The following ASB3 variants were observed in gnomAD, a reference collection of about 807,000 sequenced individuals.
ASB3 encodes ankyrin repeat and SOCS box protein 3.
ASB3 carries 41 observed loss-of-function variants against 54.5 expected under a neutral mutation model. That is an observed-to-expected ratio of 0.75 (90% CI 0.59 to 0.98). The LOEUF (loss-of-function observed/expected upper bound fraction) is 0.98, where lower values mean the gene tolerates loss of function less well. Ranked by LOEUF, ASB3 falls within the 50% of genes least tolerant of loss-of-function variation. The pLI, the probability that ASB3 is intolerant of heterozygous loss-of-function variation, is 0.00. For missense variants in ASB3, 733 were observed against 620.0 expected (o/e 1.18, Z -1.94); for synonymous variants, 266 against 221.2 (o/e 1.20, Z -1.80).
At chr2:53,766,349 CGA>C (rs1422885019) in intron 1 of ASB3, among the ~76,000 whole-genome samples, 1 of 152,176 alleles carries the variant, frequency 6.6e-6, no homozygotes, top group African/African-American at 2.4e-5. Context: ...GTGACTCTCT[CGA>C]AGACACAATT....
At chr2:53,748,075 G>C (rs1672323634) in intron 3 of ASB3, among the ~76,000 whole-genome samples, 1 of 152,142 alleles carries the variant, frequency 6.6e-6, no homozygotes, top group African/African-American at 2.4e-5. Flanking sequence ...ACCTGTAAAA[G>C]TGGGAATAAT....
intron 9 of ASB3, among the ~76,000 whole-genome samples, chr2:53,682,897 A>G (rs530663028): frequency 6.6e-6 from 1 of 152,346 alleles, no homozygotes; most frequent in East Asian, 1.9e-4. Flanking sequence ...GGTTTTTCCA[A>G]ATATAAAATC....
At chr2:53,755,499 G>C (rs578204186) in intron 2 of ASB3, among the ~76,000 whole-genome samples, 6 of 152,330 alleles carry the variant, frequency 3.9e-5, no homozygotes, top group Admixed American at 3.9e-4. Context: ...AGCTGAGCCA[G>C]AATTTGATGA....
At chr2:53,751,017 A>C in intron 2 of ASB3, 76 bp from the exon 3 acceptor site, 1 of 1,396,622 alleles carries the variant, frequency 7.2e-7, no homozygotes, top group Non-Finnish European at 9.4e-7. Flanking sequence ...AGATTCCAAG[A>C]GGAATTTAAT....
chr2:53,767,947 C>T (rs1010559927), intron 1 of ASB3: 1 of 1,614,168 alleles, frequency 6.2e-7, no homozygotes, highest in East Asian at 2.2e-5. Context: ...TCAGGACAAG[C>T]TGGTCGGATA....
At chr2:53,728,925 T>C (rs1258994569) in intron 4 of ASB3, 78 bp from the exon 5 acceptor site, 1 of 1,454,940 alleles carries the variant, frequency 6.9e-7, no homozygotes, top group African/African-American at 1.4e-5. Context: ...TGTGTTTTTT[T>C]TTTCTTTTTT....
At chr2:53,757,122 A>G (rs913914976) in intron 2 of ASB3, among the ~76,000 whole-genome samples, 6 of 152,224 alleles carry the variant, frequency 3.9e-5, no homozygotes, top group African/African-American at 1.4e-4. Context: ...AAGGGACCTC[A>G]AAAGCGGTGA....
chr2:53,741,409 A>T (rs1671928516), intron 3 of ASB3, among the ~76,000 whole-genome samples: 1 of 152,216 alleles, frequency 6.6e-6, no homozygotes, highest in East Asian at 1.9e-4. Flanking sequence ...AGAAGTTTTG[A>T]ACAGAATATA....
intron 9 of ASB3, among the ~76,000 whole-genome samples, chr2:53,671,273 T>TA (rs1667797713): frequency 6.6e-6 from 1 of 151,820 alleles, no homozygotes; most frequent in African/African-American, 2.4e-5. Flanking sequence ...TGTAGAAATT[T>TA]AAAAAAACAA....
At chr2:53,707,605 C>G (rs1477586568) in intron 7 of ASB3, among the ~76,000 whole-genome samples, 2 of 151,434 alleles carry the variant, frequency 1.3e-5, no homozygotes, top group African/African-American at 4.9e-5. Context: ...TGAGATCGCA[C>G]CACTGCACTC....
chr2:53,719,509 C>T (rs1257848708), intron 5 of ASB3, among the ~76,000 whole-genome samples: 1 of 152,166 alleles, frequency 6.6e-6, no homozygotes, highest in Non-Finnish European at 1.5e-5. Context: ...GACATGCTAG[C>T]TGCCCTGCTC....
chr2:53,720,913 T>C (rs1385493893), intron 5 of ASB3, among the ~76,000 whole-genome samples: 2 of 152,012 alleles, frequency 1.3e-5, no homozygotes, highest in East Asian at 3.8e-4. Flanking sequence ...GGTCAGGAGT[T>C]TGAGACCAAA....
intron 1 of ASB3, among the ~76,000 whole-genome samples, chr2:53,785,743 G>A (rs185559225): frequency 6.6e-6 from 1 of 152,224 alleles, no homozygotes; most frequent in Non-Finnish European, 1.5e-5. Context: ...GGAAGGCTGA[G>A]AAAAAGGAGA....
chr2:53,753,378 T>C (rs1034230562), intron 2 of ASB3, among the ~76,000 whole-genome samples: 2 of 152,156 alleles, frequency 1.3e-5, no homozygotes, highest in Non-Finnish European at 2.9e-5. Context: ...GGTTTCTTAC[T>C]GTTGGAGAGG....
intron 7 of ASB3, among the ~76,000 whole-genome samples, chr2:53,708,886 A>G (rs1669938058): frequency 6.6e-6 from 1 of 152,256 alleles, no homozygotes; most frequent in South Asian, 2.1e-4. Context: ...GCTCATATGC[A>G]TGAGCAAAGA....
chr2:53,672,194 T>C (rs1667856804), intron 9 of ASB3, among the ~76,000 whole-genome samples: 1 of 152,216 alleles, frequency 6.6e-6, no homozygotes, highest in South Asian at 2.1e-4. Flanking sequence ...GCAAAAGTTA[T>C]CGATTTTGTA....
chr2:53,775,602 C>A (rs1436011903), intron 1 of ASB3, among the ~76,000 whole-genome samples: 6 of 152,162 alleles, frequency 3.9e-5, no homozygotes, highest in Non-Finnish European at 7.4e-5. Flanking sequence ...CAGCCTCCCG[C>A]GTAGCTGGGA....
At chr2:53,701,328 C>G (rs13408029) in intron 7 of ASB3, among the ~76,000 whole-genome samples, 30,902 of 151,986 alleles carry the variant, frequency 0.2, 3,171 homozygotes, top group African/African-American at 0.24. Flanking sequence ...ATTTACAATA[C>G]TACATCTTAA....
chr2:53,786,876 G>C lies in ASB3; in HGVS notation c.-69C>G. On this transcript the variant is annotated 5_prime_UTR_variant, in exon 1 of 10. Transcript: ENST00000263634. ...GCTGGTCCGAGGCCGCGTCTCCAGA[G>C]CTGCGTCCCAGAAGCCCCCGCTTTC... The C allele has an allele frequency of 3.4e-6, 1 of 292,564 alleles. No homozygotes were observed. The highest frequency in any genetic ancestry group is 6.4e-6 in the Non-Finnish European group (1 of 156,182). The allele number at this position is 292,564 out of a possible 1,614,324, so 18.1% of individuals were successfully genotyped here.
Sources: gnomAD v4.1 joint callset for allele counts (sites outside exome capture counted in the v4.1 genomes callset) on GRCh38, gnomAD v4.1.1 for gene constraint, MANE v1.5 for transcripts, NCBI Gene and HGNC (gene_info 2026-07-23, HGNC 2026-07-21) for gene names.